CEMIP2: variants seen among roughly 807,000 people sequenced by gnomAD.
CEMIP2 encodes the protein cell surface hyaluronidase CEMIP2.
CEMIP2 carries 79 observed loss-of-function variants against 146.9 expected under a neutral mutation model. That is an observed-to-expected ratio of 0.54 (90% confidence interval 0.45 to 0.65). CEMIP2 has a LOEUF of 0.65. Ranked by LOEUF, CEMIP2 falls within the 30% of genes least tolerant of loss-of-function variation. The pLI, the probability that CEMIP2 is intolerant of heterozygous loss-of-function variation, is 0.00. For missense variants in CEMIP2, 1,596 were observed against 1,696.2 expected (o/e 0.94, Z 1.04); for synonymous variants, 601 against 606.3 (o/e 0.99, Z 0.13).
intron 5 of CEMIP2, among the ~76,000 whole-genome samples, chr9:71,739,594 C>A (rs1157479741): frequency 1.3e-5 from 2 of 151,068 alleles, no homozygotes; most frequent in Non-Finnish European, 1.5e-5. Context: ...CACGCCAAGC[C>A]CAGAAGATTG....
Position 71,698,073 on chromosome 9 carries a change from G to A in CEMIP2, c.3509C>T (p.Ala1170Val). Reference sequence around the variant, plus strand: ...CGGCTTTCTGTAGTACTGTGGGTATGCTTTGGCCATGCAGTTACTGATGTC... The same window carrying A: ...CGGCTTTCTGTAGTACTGTGGGTATACTTTGGCCATGCAGTTACTGATGTC... The part of the protein sequence containing the change: ...SKDISNCMAK[A>V]YPQYYRKPSV... The change falls in exon 20 of 24, where the codon GCA (alanine) becomes GTA (valine). Residue 1170 changes from alanine to valine, a missense_variant. Coordinates refer to ENST00000377044, the MANE Select transcript of CEMIP2 (RefSeq NM_013390.3). 1 of 1,614,172 alleles carries A rather than the reference G, an allele frequency of 6.2e-7. No individual in the cohort carries two copies. Among genetic ancestry groups the A allele is most frequent in the Non-Finnish European group, 8.5e-7 (1 of 1,180,038 alleles).
chr9:71,699,656 C>T (rs1035494721), intron 19 of CEMIP2, among the ~76,000 whole-genome samples: 1 of 152,100 alleles, frequency 6.6e-6, no homozygotes, highest in African/African-American at 2.4e-5. Context: ...CACCCTTCTC[C>T]CCACTCTGAA....
intron 20 of CEMIP2, among the ~76,000 whole-genome samples, chr9:71,695,427 C>A (rs551825544): frequency 7.9e-5 from 12 of 152,242 alleles, no homozygotes; most frequent in Admixed American, 7.8e-4. Flanking sequence ...GTAATCCCAG[C>A]GCTTTGGGGG....
intron 1 of CEMIP2, among the ~76,000 whole-genome samples, chr9:71,755,955 GTC>G (rs2132031848): frequency 1.1e-5 from 1 of 87,272 alleles, no homozygotes; most frequent in South Asian, 5.1e-4. Flanking sequence ...GCATGACTCT[GTC>G]TCACAAAAAA....
intron 15 of CEMIP2, among the ~76,000 whole-genome samples, chr9:71,713,228 C>G (rs748592212): frequency 6.6e-6 from 1 of 152,060 alleles, no homozygotes; most frequent in Non-Finnish European, 1.5e-5. Flanking sequence ...CGGGTCTTCT[C>G]CGTGCTGTTC....
intron 13 of CEMIP2, 133 bp from the exon 14 acceptor site, chr9:71,716,685 T>A (rs1054949789): frequency 3.2e-6 from 2 of 616,758 alleles, no homozygotes; most frequent in South Asian, 7.9e-5. Flanking sequence ...ACACAAAAAT[T>A]TGATTTCACA....
At chr9:71,725,192 C>T (rs1589147062) in intron 11 of CEMIP2, among the ~76,000 whole-genome samples, 1 of 152,126 alleles carries the variant, frequency 6.6e-6, no homozygotes, top group African/African-American at 2.4e-5. Context: ...AATGCATCCC[C>T]CAAAAAGCAT....
chr9:71,749,993 T>C, intron 2 of CEMIP2, 50 bp downstream of exon 2: 1 of 1,491,862 alleles, frequency 6.7e-7, no homozygotes, highest in Non-Finnish European at 9.0e-7. Context: ...TACTATTTCC[T>C]CCTCTTTTGT....
At chr9:71,695,995 C>T (rs78104400) in intron 20 of CEMIP2, among the ~76,000 whole-genome samples, 9,094 of 152,026 alleles carry the variant, frequency 0.06, 641 homozygotes, top group African/African-American at 0.16. Context: ...CAAGTAAAAG[C>T]GATGTTCCCA....
chr9:71,756,472 C>CCTCTCTCTCT (rs67234507), intron 1 of CEMIP2, among the ~76,000 whole-genome samples: 12 of 130,062 alleles, frequency 9.2e-5, no homozygotes, highest in African/African-American at 3.1e-4. Flanking sequence ...ACTACAGATT[C>CCTCTCTCTCT]CTCTCTCTCT....
intron 22 of CEMIP2, 99 bp downstream of exon 22, chr9:71,689,993 C>A: frequency 6.9e-7 from 1 of 1,451,428 alleles, no homozygotes. Flanking sequence ...CCCTGAATGT[C>A]CAGAGAGTAA....
intron 1 of CEMIP2, among the ~76,000 whole-genome samples, chr9:71,755,346 T>TAC (rs34581447): frequency 0.024 from 3,279 of 134,898 alleles, 64 homozygotes; most frequent in African/African-American, 0.037. Context: ...ACCCTGTCTC[T>TAC]ACACACACAC....
At chr9:71,700,347 T>C (rs983516133) in intron 19 of CEMIP2, among the ~76,000 whole-genome samples, 4 of 152,182 alleles carry the variant, frequency 2.6e-5, no homozygotes, top group Non-Finnish European at 1.5e-5. Context: ...AGAACATTAT[T>C]ATGGGAAAAA....
chr9:71,705,396 G>A (rs1822704292), intron 17 of CEMIP2, among the ~76,000 whole-genome samples: 1 of 151,942 alleles, frequency 6.6e-6, no homozygotes, highest in Admixed American at 6.6e-5. Context: ...AGAGCTACTT[G>A]CCATGCCAAA....
chr9:71,729,200 T>C (rs955228460), intron 10 of CEMIP2, among the ~76,000 whole-genome samples: 9 of 152,034 alleles, frequency 5.9e-5, no homozygotes, highest in African/African-American at 1.2e-4. Context: ...CACATATGAC[T>C]TAAATATGAG....
chr9:71,767,836 C>G (rs1013125624), intron 1 of CEMIP2, among the ~76,000 whole-genome samples: 4 of 152,114 alleles, frequency 2.6e-5, no homozygotes, highest in Non-Finnish European at 5.9e-5. Flanking sequence ...GCGGAGGACC[C>G]ACCAACCCAG....
Position 71,685,274 on chromosome 9 carries a change from C to T in CEMIP2, c.4075G>A (p.Glu1359Lys), listed in dbSNP as rs1158781389. The change falls in exon 24 of 24, where the codon GAA becomes AAA. Residue 1359 changes from glutamate (E) to lysine (K), a missense_variant. Transcript: ENST00000377044. The stretch of plus-strand genomic sequence containing the variant: ...GTGGTGGCTCTGGGACAACCATATT[C>T]GTCCAGCTGCAAAGGTATGAATTGT... Reference protein sequence around the residue: ...LEQFIPLQLDEYGCPRATTVR... With the variant: ...LEQFIPLQLDKYGCPRATTVR... 41 of 1,613,408 alleles carry T rather than the reference C, an allele frequency of 2.5e-5. No homozygotes were observed. The highest frequency in any genetic ancestry group is 5.4e-5 in the African/African-American group (4 of 74,708).
chr9:71,760,716 A>G (rs1031492429), intron 1 of CEMIP2, among the ~76,000 whole-genome samples: 4 of 134,150 alleles, frequency 3.0e-5, no homozygotes, highest in African/African-American at 1.0e-4. Flanking sequence ...AGAACAGCTA[A>G]CACTCTCTGA....
intron 10 of CEMIP2, among the ~76,000 whole-genome samples, chr9:71,727,754 T>C (rs1261790113): frequency 6.6e-6 from 1 of 152,252 alleles, no homozygotes; most frequent in Non-Finnish European, 1.5e-5. Context: ...CTCGATAGCA[T>C]ACTATCTTAA....
Sources: allele counts gnomAD v4.1 joint callset (sites outside exome capture counted in the v4.1 genomes callset), GRCh38; gene constraint gnomAD v4.1.1; transcripts MANE v1.5; gene names NCBI Gene and HGNC (gene_info 2026-07-23, HGNC 2026-07-21).